The following TRAF7 variants were observed in gnomAD, a reference collection of about 807,000 sequenced individuals.
The protein encoded by TRAF7 is TNF receptor associated factor 7.
A neutral mutation model predicts 89.3 loss-of-function variants in TRAF7; 45 were observed. The observed-to-expected ratio is 0.50, with a 90% CI of 0.40 to 0.65. TRAF7 has a LOEUF of 0.65. Among genes scored for constraint, TRAF7 ranks in the 30% least tolerant of loss-of-function variants. TRAF7 has a pLI of 0.00. For missense variants in TRAF7, 677 were observed against 918.1 expected, an observed-to-expected ratio of 0.74 and a Z score of 3.39; for synonymous variants, 406 against 369.2, an observed-to-expected ratio of 1.10 and a Z score of -1.14.
chr16:2,165,210 G>A (rs2093079215), intron 2 of TRAF7, among the ~76,000 whole-genome samples: 2 of 141,640 alleles, frequency 1.4e-5, no homozygotes, highest in South Asian at 2.3e-4. Flanking sequence ...GCATGGCCTG[G>A]CCTGGTCGCA....
At chr16:2,164,177 CGCGCACGCGTGCGTGT>C (rs1200674149) in intron 2 of TRAF7, among the ~76,000 whole-genome samples, 176 bp downstream of exon 2, 5 of 117,724 alleles carry the variant, frequency 4.2e-5, no homozygotes, top group East Asian at 2.3e-4. Context: ...CGCGCGCGCG[CGCGCACGCGTGCGTGT>C]GTGGTTGGGG....
Position 2,163,766 on chromosome 16 carries a change from G to T in TRAF7, c.-38-117G>T, listed in dbSNP as rs552901877. 1.3e-5 allele frequency: 9 copies of T among 694,470 alleles called. No individual in the cohort carries two copies. Among genetic ancestry groups the T allele is most frequent in the South Asian group, 9.8e-5 (6 of 61,008 alleles). The allele number at this position is 694,470 out of a possible 1,614,324, so 43.0% of individuals were successfully genotyped here. A position where few individuals can be genotyped will look rare whatever the true frequency, so the allele number is the denominator to read the frequency against. On this transcript the variant is annotated intron_variant, in intron 1 of 20. Transcript: ENST00000326181. This position sits in a 1 kb window ranked among gnomAD's most constrained non-coding sequence, Gnocchi z 4.3. ...CCTGAGCCGGGGCTGGTGGTGGAAG[G>T]CTGCTGCGGCGGCCCCACGGTGCCC...
chr16:2,165,842 C>T (rs553132217), intron 2 of TRAF7, 37 bp from the exon 3 acceptor site: 1 of 1,613,400 alleles, frequency 6.2e-7, no homozygotes, highest in Non-Finnish European at 8.5e-7. Flanking sequence ...TCCTTGTGTC[C>T]CGGAATGAGG....
chr16:2,173,857 G>GCGGGGGGCCCC, intron 12 of TRAF7, 21 bp downstream of exon 12: 2 of 1,607,498 alleles, frequency 1.2e-6, no homozygotes, highest in Non-Finnish European at 1.7e-6. Context: ...ACCCGCCGTG[G>GCGGGGGGCCCC]CTCCCGCCCA....
rs1322150127 is a variant in TRAF7, at chr16:2,162,354, G to A, written c.-38-1529G>A. On this transcript the variant is annotated intron_variant, in intron 1 of 20. Transcript: ENST00000326181. The surrounding 1 kb of genome is among the most constrained non-coding windows in gnomAD (Gnocchi z 5.0). ...GCACACCTGTAGGCCGGGCTGGGGG[G>A]CCCCAGGCCAGACTGTGGGCACGGT... Among the ~76,000 whole-genome samples the A allele has an allele frequency of 6.6e-6, 1 of 152,146 alleles. No homozygotes were observed. Among genetic ancestry groups the A allele is most frequent in the Non-Finnish European group, 1.5e-5 (1 of 68,008 alleles).
In TRAF7 at chr16:2,177,860, G is replaced by C. The variant is rs1010629519; in HGVS notation, c.*1286G>C. 1.4e-5 allele frequency: 4 copies of C among 289,210 alleles called. No homozygotes were observed. Among genetic ancestry groups the C allele is most frequent in the Non-Finnish European group, 2.6e-5 (4 of 151,014 alleles). The allele number at this position is 289,210 out of a possible 1,614,324, so 17.9% of individuals were successfully genotyped here. A position where few individuals can be genotyped will look rare whatever the true frequency, so the allele number is the denominator to read the frequency against. ...GAAGCACGGAGGAGCCCCCGGCAGA[G>C]CACCCGCCCCCGGGCCCCAGCCTTC... is the stretch of plus-strand genomic sequence containing the variant. On this transcript the variant is annotated 3_prime_UTR_variant, in exon 21 of 21. Transcript: ENST00000326181.
rs1296248513 is a variant in TRAF7, at chr16:2,160,498, G to A, written c.-38-3385G>A. 6.5e-5 allele frequency among the ~76,000 whole-genome samples: 9 copies of A among 137,684 alleles called. No individual in the cohort carries two copies. In the South Asian group the frequency reaches 9.7e-4, roughly 15 times the overall value. 90.3% of individuals were successfully genotyped at this position (137,684 alleles called of 152,430 possible). A position where few individuals can be genotyped will look rare whatever the true frequency, so the allele number is the denominator to read the frequency against. On this transcript the variant is annotated intron_variant, in intron 1 of 20. Transcript: ENST00000326181. ...GGCGGTGTGGACGGGCGGGAGGTGT[G>A]GACCGGCGGGCGGTGTGGGTGGGCG... is the stretch of plus-strand genomic sequence containing the variant.
rs908651691 is a variant in TRAF7, at chr16:2,161,019, TCCGAGGTGC to T, written c.-38-2863_-38-2855del. Reference sequence around the variant, plus strand: ...GGAGGCCTCGGGCATCTTGCTCAATTCCGAGGTGCGGGGATGGATCCTGCCTTAGGGCGG... The same window carrying T: ...GGAGGCCTCGGGCATCTTGCTCAATTGGGGATGGATCCTGCCTTAGGGCGG... On this transcript the variant is annotated intron_variant, in intron 1 of 20. Transcript: ENST00000326181. This position sits in a 1 kb window ranked among gnomAD's most constrained non-coding sequence, Gnocchi z 5.2. Among the ~76,000 whole-genome samples, 8 of 152,008 alleles carry T rather than the reference TCCGAGGTGC, an allele frequency of 5.3e-5. No homozygotes were observed. The highest frequency in any genetic ancestry group is 1.0e-4 in the Non-Finnish European group (7 of 67,966).
rs2093058378 is a variant in TRAF7 at position 2,161,508 on chromosome 16, C to A, written c.-38-2375C>A. 1.3e-5 allele frequency among the ~76,000 whole-genome samples: 2 copies of A among 152,164 alleles called. No individual in the cohort carries two copies. The highest frequency in any genetic ancestry group is 2.9e-5 in the Non-Finnish European group (2 of 68,028). ...AGGGGAGTGCCTGCTGGGGTCCTGG[C>A]CACCTGGGCCCCCGGGCAGGCATCA... On this transcript the variant is annotated intron_variant, in intron 1 of 20. Transcript: ENST00000326181. This position sits in a 1 kb window ranked among gnomAD's most constrained non-coding sequence, Gnocchi z 5.2.
Position 2,173,831 on chromosome 16 carries a change from T to C in TRAF7, c.1130T>C (p.Leu377Pro), listed in dbSNP as rs1325305779. The change falls in exon 12 of 21, where the codon CTA becomes CCA. Residue 377 changes from leucine (L) to proline (P), a missense_variant. Leu to Pro is a moderately conservative substitution (Grantham distance 98). Coordinates refer to ENST00000326181, the MANE Select transcript of TRAF7 (RefSeq NM_032271.3). ...AACGCGCGGCTGAACATGGGCATCC[T>C]AGGCTGTGAGTATGGACCCGCCGTG... ...HINARLNMGILGSYDPQQIFK... is the reference protein window; with the variant it reads ...HINARLNMGIPGSYDPQQIFK... 1 of 1,611,116 alleles carries C rather than the reference T, an allele frequency of 6.2e-7. No homozygotes were observed. Among genetic ancestry groups the C allele is most frequent in the Admixed American group, 1.7e-5 (1 of 60,018 alleles).
rs547412370 is a variant in TRAF7 at position 2,160,533 on chromosome 16, C to T, written c.-38-3350C>T. Among the ~76,000 whole-genome samples the T allele has an allele frequency of 7.4e-3, 290 of 39,274 alleles. 1 individual carries two copies. Among genetic ancestry groups the T allele is most frequent in the Admixed American group, 9.4e-3 (29 of 3,082 alleles). The allele number at this position is 39,274 out of a possible 152,430, so 25.8% of individuals were successfully genotyped here. A position where few individuals can be genotyped will look rare whatever the true frequency, so the allele number is the denominator to read the frequency against. On this transcript the variant is annotated intron_variant, in intron 1 of 20. Transcript: ENST00000326181. The stretch of plus-strand genomic sequence containing the variant: ...GCGGTGTGGGTGGGCGGGAGGTGCT[C>T]GGGCAGGCGGTGTGGATGGGCGGGC...
chr16:2,156,895 C>G (rs978381949), intron 1 of TRAF7, among the ~76,000 whole-genome samples: 31 of 152,172 alleles, frequency 2.0e-4, no homozygotes, highest in African/African-American at 7.5e-4. Context: ...GCCATCGTCT[C>G]CTAGTCCCCA....
intron 20 of TRAF7, 60 bp downstream of exon 20, chr16:2,176,444 A>G: frequency 6.2e-7 from 1 of 1,612,374 alleles, no homozygotes; most frequent in Non-Finnish European, 8.5e-7. Flanking sequence ...GGGGGTGGGG[A>G]CGAGGAGCTG....
chr16:2,156,729 T>TGG (rs5815111), intron 1 of TRAF7, among the ~76,000 whole-genome samples: 4 of 136,970 alleles, frequency 2.9e-5, no homozygotes, highest in African/African-American at 2.8e-5. Flanking sequence ...GGGTGCATGG[T>TGG]GGGGTGGGGC....
At position 2,163,864 on chromosome 16, in the gene TRAF7, A is replaced by C. The variant is rs1397798062; in HGVS notation, c.-38-19A>C. 2 of 1,505,518 alleles carry C rather than the reference A, an allele frequency of 1.3e-6. No homozygotes were observed. The highest frequency in any genetic ancestry group is 1.4e-5 in the African/African-American group (1 of 72,840). The allele number at this position is 1,505,518 out of a possible 1,614,324, so 93.3% of individuals were successfully genotyped here. On this transcript the variant is annotated intron_variant, in intron 1 of 20. Coordinates refer to ENST00000326181, the MANE Select transcript of TRAF7 (RefSeq NM_032271.3). The surrounding 1 kb of genome is among the most constrained non-coding windows in gnomAD (Gnocchi z 4.3). ...CTGGGCTCCATCTCTCAAGCCCCTC[A>C]TTTGTGCTCCACCCACAGGAGGTGC...
In TRAF7 at chr16:2,173,469, C is replaced by G. The variant is rs562946173; in HGVS notation, c.1013-12C>G. 6.2e-7 allele frequency: 1 copy of G among 1,613,226 alleles called. No individual in the cohort carries two copies. The highest frequency in any genetic ancestry group is 1.1e-5 in the South Asian group (1 of 91,086). ...GGGCACCAGTGACACCCCCTCTCCT[C>G]CTGCTACTCAGACGTCCTGGACGAA... is the stretch of plus-strand genomic sequence containing the variant. On this transcript the variant is annotated splice_polypyrimidine_tract_variant and intron_variant, in intron 10 of 20. Coordinates refer to ENST00000326181, the MANE Select transcript of TRAF7 (RefSeq NM_032271.3).
rs921802102 is a variant in TRAF7, at chr16:2,162,218, G to T, written c.-38-1665G>T. 6.6e-6 allele frequency among the ~76,000 whole-genome samples: 1 copy of T among 152,218 alleles called. No individual in the cohort carries two copies. The highest frequency in any genetic ancestry group is 1.5e-5 in the Non-Finnish European group (1 of 68,024). On this transcript the variant is annotated intron_variant, in intron 1 of 20. Transcript: ENST00000326181. This position sits in a 1 kb window ranked among gnomAD's most constrained non-coding sequence, Gnocchi z 5.0. ...GTGGCCTTCCAGGTGGCATTGGAAG[G>T]GACAGGTGGGCCTGGGCAGCCTAGA...
chr16:2,176,748 C>G lies in TRAF7; in HGVS notation c.*174C>G. On this transcript the variant is annotated 3_prime_UTR_variant, in exon 21 of 21. Coordinates refer to ENST00000326181, the MANE Select transcript of TRAF7 (RefSeq NM_032271.3). ...CATGCTCGGCGAGCCTCCCTCTACT[C>G]GGCACTGTCCTTGCTGCCCAGCCCC... 3.3e-6 allele frequency: 3 copies of G among 920,882 alleles called. No homozygotes were observed. Among genetic ancestry groups the G allele is most frequent in the Non-Finnish European group, 5.0e-6 (3 of 594,526 alleles). The allele number at this position is 920,882 out of a possible 1,614,324, so 57.0% of individuals were successfully genotyped here.
intron 2 of TRAF7, among the ~76,000 whole-genome samples, 158 bp downstream of exon 2, chr16:2,164,159 T>TGCGCGCGCGC (rs61245743): frequency 2.5e-4 from 31 of 126,130 alleles, no homozygotes; most frequent in Non-Finnish European, 3.5e-4. Flanking sequence ...TGTGTGTGTG[T>TGCGCGCGCGC]GCGCGCGCGC....
Sources: gnomAD v4.1 joint callset for allele counts (sites outside exome capture counted in the v4.1 genomes callset) on GRCh38, gnomAD v4.1.1 for gene constraint, Gnocchi (gnomAD v3.1) non-coding constraint, MANE v1.5 for transcripts, NCBI Gene and HGNC (gene_info 2026-07-23, HGNC 2026-07-21) for gene names.